ERBB4: variants seen among roughly 807,000 people sequenced by gnomAD.
ERBB4 encodes erb-b2 receptor tyrosine kinase 4.
ERBB4 carries 42 observed loss-of-function variants against 158.0 expected under a neutral mutation model. The observed-to-expected ratio is 0.27, with a 90% CI of 0.21 to 0.34. The LOEUF is 0.34. Among genes scored for constraint, ERBB4 ranks in the 10% least tolerant of loss-of-function variants. ERBB4 has a pLI of 1.00. For missense variants in ERBB4, 1,333 were observed against 1,624.1 expected (o/e 0.82, Z 3.08); for synonymous variants, 583 against 558.7 (o/e 1.04, Z -0.61).
chr2:211,595,186 T>A (rs546804962), intron 19 of ERBB4, among the ~76,000 whole-genome samples: 25 of 152,278 alleles, frequency 1.6e-4, no homozygotes, highest in African/African-American at 5.3e-4. Flanking sequence ...TAATAATCCA[T>A]CTTAAAACGA....
intron 16 of ERBB4, among the ~76,000 whole-genome samples, chr2:211,641,479 C>T (rs1428195384): frequency 1.3e-5 from 2 of 152,102 alleles, no homozygotes; most frequent in African/African-American, 4.8e-5. Flanking sequence ...GTAACACATG[C>T]TAGAGCCAGA....
At chr2:212,236,969 A>T (rs1559814413) in intron 1 of ERBB4, among the ~76,000 whole-genome samples, 1 of 151,134 alleles carries the variant, frequency 6.6e-6, no homozygotes. Flanking sequence ...TATCTTCTTC[A>T]TTTCTGCTCT....
chr2:212,130,972 G>A (rs1467291478), intron 1 of ERBB4, among the ~76,000 whole-genome samples: 1 of 152,096 alleles, frequency 6.6e-6, no homozygotes, highest in Non-Finnish European at 1.5e-5. Flanking sequence ...GTTAATAAAT[G>A]CACCTTGGAT....
chr2:211,528,222 A>AACTTG (rs1277553616), intron 20 of ERBB4, among the ~76,000 whole-genome samples: 1 of 152,068 alleles, frequency 6.6e-6, no homozygotes, highest in Non-Finnish European at 1.5e-5. Context: ...TATATCAGAC[A>AACTTG]AAATAGATTT....
At chr2:211,818,767 A>G (rs2076929633) in intron 3 of ERBB4, among the ~76,000 whole-genome samples, 2 of 152,048 alleles carry the variant, frequency 1.3e-5, no homozygotes, top group Non-Finnish European at 2.9e-5. Context: ...TACATTCCAC[A>G]GGTCCACAAT....
At chr2:212,359,926 T>C (rs2106359644) in intron 1 of ERBB4, among the ~76,000 whole-genome samples, 1 of 151,850 alleles carries the variant, frequency 6.6e-6, no homozygotes, top group South Asian at 2.1e-4. Flanking sequence ...GGAAAAAAGC[T>C]TTCCACTGAA....
intron 2 of ERBB4, among the ~76,000 whole-genome samples, chr2:212,101,350 C>CATATATATATATATATATACAT (rs56091369): frequency 8.5e-4 from 121 of 143,088 alleles, no homozygotes; most frequent in Middle Eastern, 3.6e-3. Context: ...ACACCCTATA[C>CATATATATATATATATATACAT]ATATATATAT....
intron 18 of ERBB4, among the ~76,000 whole-genome samples, chr2:211,623,258 C>G (rs2069706404): frequency 6.6e-6 from 1 of 151,376 alleles, no homozygotes; most frequent in Admixed American, 6.6e-5. Context: ...CCAGAAATAT[C>G]TCTTATTGAA....
At chr2:211,994,483 C>A (rs2125262722) in intron 2 of ERBB4, among the ~76,000 whole-genome samples, 1 of 152,258 alleles carries the variant, frequency 6.6e-6, no homozygotes, top group Admixed American at 6.5e-5. Flanking sequence ...AATGTTTTAT[C>A]ATCTAAAAAT....
At chr2:212,498,116 ATGTG>A (rs746391733) in intron 1 of ERBB4, among the ~76,000 whole-genome samples, 20 of 144,736 alleles carry the variant, frequency 1.4e-4, no homozygotes, top group East Asian at 1.2e-3. Context: ...GTGCATATCT[ATGTG>A]TGTGTGTGTG....
chr2:211,450,928 C>G (rs2064231083), intron 20 of ERBB4, among the ~76,000 whole-genome samples: 1 of 152,140 alleles, frequency 6.6e-6, no homozygotes, highest in Non-Finnish European at 1.5e-5. Context: ...TATTCTCTAC[C>G]CTTTAGAACA....
At chr2:211,846,111 T>G (rs1187134152) in intron 3 of ERBB4, among the ~76,000 whole-genome samples, 2 of 149,434 alleles carry the variant, frequency 1.3e-5, no homozygotes, top group Non-Finnish European at 3.0e-5. Flanking sequence ...GAAAAAAAAA[T>G]CATCCCTAGG....
chr2:212,131,091 A>T (rs979337536), intron 1 of ERBB4, among the ~76,000 whole-genome samples: 1 of 152,176 alleles, frequency 6.6e-6, no homozygotes, highest in African/African-American at 2.4e-5. Flanking sequence ...ACTATTAATG[A>T]ATGCTATTAT....
At chr2:211,629,032 T>A (rs188872725) in intron 17 of ERBB4, among the ~76,000 whole-genome samples, 5 of 152,318 alleles carry the variant, frequency 3.3e-5, no homozygotes, top group Non-Finnish European at 1.5e-5. Flanking sequence ...TTTTTTTTCT[T>A]CTAAATTTGT....
chr2:211,862,119 C>T (rs976411601), intron 3 of ERBB4, among the ~76,000 whole-genome samples: 3 of 152,136 alleles, frequency 2.0e-5, no homozygotes, highest in Non-Finnish European at 2.9e-5. Flanking sequence ...CCATATCTCT[C>T]TTAAAAATCT....
chr2:211,405,989 A>T (rs2063139046), intron 25 of ERBB4, among the ~76,000 whole-genome samples: 2 of 152,086 alleles, frequency 1.3e-5, no homozygotes, highest in Admixed American at 1.3e-4. Flanking sequence ...CTATCTCAAA[A>T]CCATCACTTC....
intron 1 of ERBB4, among the ~76,000 whole-genome samples, chr2:212,356,707 A>G (rs961908333): frequency 5.0e-5 from 4 of 79,340 alleles, no homozygotes; most frequent in Admixed American, 1.5e-4. Flanking sequence ...ACAGATGGAC[A>G]GATGAACCCA....
intron 1 of ERBB4, among the ~76,000 whole-genome samples, chr2:212,225,986 C>T (rs538712711): frequency 6.6e-6 from 1 of 152,260 alleles, no homozygotes; most frequent in South Asian, 2.1e-4. Flanking sequence ...TATCTCAAAT[C>T]AGTTGACTTT....
At chr2:211,798,524 T>C (rs2076431102) in intron 3 of ERBB4, among the ~76,000 whole-genome samples, 1 of 152,130 alleles carries the variant, frequency 6.6e-6, no homozygotes, top group Non-Finnish European at 1.5e-5. Context: ...TGGGTTACAA[T>C]GAGAAATACA....
Sources: allele counts gnomAD v4.1 joint callset (sites outside exome capture counted in the v4.1 genomes callset), GRCh38; gene constraint gnomAD v4.1.1; transcripts MANE v1.5; gene names NCBI Gene and HGNC (gene_info 2026-07-23, HGNC 2026-07-21).